GRIK4: variants seen among roughly 807,000 people sequenced by gnomAD.
The protein encoded by GRIK4 is glutamate ionotropic receptor kainate type subunit 4.
A neutral mutation model predicts 104.9 loss-of-function variants in GRIK4; 40 were observed. That is an observed-to-expected ratio of 0.38 (90% confidence interval 0.30 to 0.50). The LOEUF (loss-of-function observed/expected upper bound fraction) is 0.50. GRIK4 is among the 20% of genes least tolerant of loss of function. GRIK4 has a pLI of 0.93. For synonymous variants in GRIK4, 485 were observed against 524.9 expected (o/e 0.92, Z 1.04); for missense variants, 1,047 against 1,308.1 (o/e 0.80, Z 3.08).
chr11:120,712,623 T>TAA (rs72232565), intron 3 of GRIK4, among the ~76,000 whole-genome samples: 18 of 138,014 alleles, frequency 1.3e-4, no homozygotes, highest in East Asian at 2.1e-4. Context: ...CCCTGTCTCT[T>TAA]AAAAAAAAAA....
At chr11:120,512,792 C>T (rs1265754233) in intron 1 of GRIK4, among the ~76,000 whole-genome samples, 2 of 152,114 alleles carry the variant, frequency 1.3e-5, no homozygotes, top group East Asian at 3.9e-4. Context: ...GTGTCTCTTT[C>T]CCTGGCTCCC....
At chr11:120,874,780 G>C (rs1407883959) in intron 10 of GRIK4, among the ~76,000 whole-genome samples, 1 of 152,204 alleles carries the variant, frequency 6.6e-6, no homozygotes, top group African/African-American at 2.4e-5. Context: ...CTGTGGACCT[G>C]GGGGTGGGTG....
At chr11:120,669,189 C>G (rs565861086) in intron 3 of GRIK4, among the ~76,000 whole-genome samples, 8 of 152,200 alleles carry the variant, frequency 5.3e-5, no homozygotes, top group African/African-American at 1.9e-4. Context: ...GTGGGTGGCA[C>G]TCTTTCTGGG....
At chr11:120,749,896 G>T (rs971224188) in intron 3 of GRIK4, among the ~76,000 whole-genome samples, 1 of 152,144 alleles carries the variant, frequency 6.6e-6, no homozygotes, top group Admixed American at 6.5e-5. Context: ...AATCAATCTG[G>T]CAGTGGGTCC....
intron 13 of GRIK4, among the ~76,000 whole-genome samples, chr11:120,915,322 T>A (rs1943083502): frequency 6.6e-6 from 1 of 152,202 alleles, no homozygotes; most frequent in Non-Finnish European, 1.5e-5. Flanking sequence ...CAAAAGGTTC[T>A]TTTCTGTCAG....
At chr11:120,862,768 G>A (rs959508373) in intron 9 of GRIK4, among the ~76,000 whole-genome samples, 10 of 152,162 alleles carry the variant, frequency 6.6e-5, no homozygotes, top group Non-Finnish European at 8.8e-5. Flanking sequence ...GTTCTTCTCC[G>A]TGGGGCAGGC....
intron 3 of GRIK4, among the ~76,000 whole-genome samples, chr11:120,748,556 G>C (rs1368513483): frequency 6.6e-6 from 1 of 152,094 alleles, no homozygotes; most frequent in Non-Finnish European, 1.5e-5. Context: ...GCACAGAGGA[G>C]AGTAATGAAC....
Position 120,905,350 on chromosome 11 carries a change from G to C in GRIK4, c.1333G>C (p.Glu445Gln), listed in dbSNP as rs1264783452. ...GGAGATGGAAGGCAATGACCGCTAC[G>C]AGGGCTTCTGTGTGGACATGCTCAA... is the stretch of plus-strand genomic sequence containing the variant. ...HQEMEGNDRY[E>Q]GFCVDMLKEL... Residue 445 changes from glutamate to glutamine, a missense_variant, in exon 13 of 21, where the codon GAG becomes CAG. By Grantham distance (29) the Glu-to-Gln change is conservative (BLOSUM62 2). Coordinates refer to ENST00000527524, the MANE Select transcript of GRIK4 (RefSeq NM_014619.5). The surrounding 1 kb of genome is among the most constrained non-coding windows in gnomAD (Gnocchi z 5.1). 6.2e-7 allele frequency: 1 copy of C among 1,613,994 alleles called. No homozygotes were observed. Among genetic ancestry groups the C allele is most frequent in the African/African-American group, 1.3e-5 (1 of 74,940 alleles).
intron 1 of GRIK4, chr11:120,620,264 C>A: frequency 1.3e-6 from 1 of 743,114 alleles, no homozygotes. Flanking sequence ...TTCTCCTCGC[C>A]ATCCATTTTG....
chr11:120,744,487 A>G (rs955423616), intron 3 of GRIK4, among the ~76,000 whole-genome samples: 2 of 152,216 alleles, frequency 1.3e-5, no homozygotes, highest in African/African-American at 4.8e-5. Context: ...AAGAAGGACA[A>G]CAGGAGTAAT....
chr11:120,727,627 A>G (rs2135385997), intron 3 of GRIK4, among the ~76,000 whole-genome samples: 1 of 152,300 alleles, frequency 6.6e-6, no homozygotes, highest in East Asian at 1.9e-4. Context: ...AGAAAAAAAT[A>G]AAAACCTATG....
chr11:120,822,376 T>C (rs1001541985), intron 6 of GRIK4, among the ~76,000 whole-genome samples: 2 of 152,072 alleles, frequency 1.3e-5, no homozygotes, highest in African/African-American at 4.8e-5. Context: ...GTAGCTTGGT[T>C]TGGCTAGAGT....
intron 3 of GRIK4, among the ~76,000 whole-genome samples, chr11:120,744,515 C>T (rs1398684811): frequency 6.6e-6 from 1 of 152,194 alleles, no homozygotes; most frequent in African/African-American, 2.4e-5. Context: ...GCCATTCACC[C>T]TATGCCAGGC....
At chr11:120,776,746 G>C (rs1172922636) in intron 3 of GRIK4, among the ~76,000 whole-genome samples, 1 of 152,188 alleles carries the variant, frequency 6.6e-6, no homozygotes, top group East Asian at 1.9e-4. Context: ...CCCAAGCTCA[G>C]TCAAGGTGTT....
At chr11:120,678,994 A>G (rs1950149453) in intron 3 of GRIK4, among the ~76,000 whole-genome samples, 1 of 151,842 alleles carries the variant, frequency 6.6e-6, no homozygotes, top group Non-Finnish European at 1.5e-5. Context: ...TCCTTAAAAT[A>G]GAGGGAATAG....
intron 1 of GRIK4, among the ~76,000 whole-genome samples, chr11:120,592,915 G>T (rs904263225): frequency 2.0e-5 from 3 of 152,156 alleles, no homozygotes; most frequent in Admixed American, 2.0e-4. Flanking sequence ...GGGTGTGGTG[G>T]TTCACACCTG....
At chr11:120,548,717 C>T (rs1384988963) in intron 1 of GRIK4, among the ~76,000 whole-genome samples, 3 of 152,224 alleles carry the variant, frequency 2.0e-5, no homozygotes, top group Non-Finnish European at 4.4e-5. Flanking sequence ...AGCAAACACC[C>T]CAGAGCAGAG....
intron 6 of GRIK4, among the ~76,000 whole-genome samples, chr11:120,830,800 C>T (rs955551417): frequency 1.3e-5 from 2 of 152,132 alleles, no homozygotes; most frequent in South Asian, 2.1e-4. Context: ...TGGGAGCAAA[C>T]GCCTACGTGA....
intron 3 of GRIK4, among the ~76,000 whole-genome samples, chr11:120,757,369 C>T (rs1207264887): frequency 6.6e-6 from 1 of 152,332 alleles, no homozygotes; most frequent in East Asian, 1.9e-4. Flanking sequence ...TGTCTTTGGG[C>T]AAGTTCTCTG....
Sources: gnomAD v4.1 joint callset for allele counts (sites outside exome capture counted in the v4.1 genomes callset) on GRCh38, gnomAD v4.1.1 for gene constraint, Gnocchi (gnomAD v3.1) non-coding constraint, MANE v1.5 for transcripts, NCBI Gene and HGNC (gene_info 2026-07-23, HGNC 2026-07-21) for gene names.